The following CDH18 variants were observed in gnomAD, a reference collection of about 807,000 sequenced individuals.
The protein encoded by CDH18 is cadherin 18, also known as cadherin-18.
A neutral mutation model predicts 67.9 loss-of-function variants in CDH18; 31 were observed. That is an observed-to-expected ratio of 0.46 (90% CI 0.34 to 0.62). CDH18 has a LOEUF of 0.62. Ranked by LOEUF, CDH18 falls within the 20% of genes least tolerant of loss-of-function variation. The probability of loss-of-function intolerance (pLI) is 0.01; values close to 1 mark genes in which losing one functional copy is unlikely to be tolerated. For synonymous variants in CDH18, 362 were observed against 347.2 expected, an observed-to-expected ratio of 1.04 and a Z score of -0.48; for missense variants, 890 against 975.5, an observed-to-expected ratio of 0.91 and a Z score of 1.17.
intron 3 of CDH18, among the ~76,000 whole-genome samples, chr5:19,790,267 A>G (rs567828647): frequency 3.9e-5 from 6 of 152,270 alleles, no homozygotes; most frequent in African/African-American, 1.4e-4. Flanking sequence ...ATCACAAACA[A>G]TGGAGACAAG....
intron 2 of CDH18, among the ~76,000 whole-genome samples, chr5:20,159,693 T>C (rs1186996684): frequency 6.6e-6 from 1 of 152,154 alleles, no homozygotes; most frequent in Non-Finnish European, 1.5e-5. Context: ...TATTTCTACC[T>C]AAAGAGACTG....
chr5:19,765,897 T>G (rs554947679), intron 3 of CDH18, among the ~76,000 whole-genome samples: 2 of 152,218 alleles, frequency 1.3e-5, no homozygotes, highest in South Asian at 2.1e-4. Context: ...TTTTTTCTTT[T>G]GAGACAGAGT....
chr5:20,445,545 C>T (rs1749938192), intron 1 of CDH18, among the ~76,000 whole-genome samples: 1 of 152,198 alleles, frequency 6.6e-6, no homozygotes, highest in African/African-American at 2.4e-5. Flanking sequence ...TTAAACTCAA[C>T]TCTGAATACA....
chr5:20,436,815 C>CAA (rs34874505), intron 1 of CDH18, among the ~76,000 whole-genome samples: 34 of 141,022 alleles, frequency 2.4e-4, no homozygotes, highest in East Asian at 1.0e-3. Context: ...ACTAAAAAAC[C>CAA]AAAAAAAAAA....
intron 2 of CDH18, among the ~76,000 whole-genome samples, chr5:19,847,048 T>C (rs116642224): frequency 9.5e-4 from 145 of 152,244 alleles, no homozygotes; most frequent in East Asian, 4.4e-3. Context: ...TTTTCTTTTG[T>C]TTCTTTCCAA....
At chr5:20,156,480 A>G (rs868789506) in intron 2 of CDH18, among the ~76,000 whole-genome samples, 31 of 152,298 alleles carry the variant, frequency 2.0e-4, no homozygotes, top group African/African-American at 7.0e-4. Context: ...ACTCAGAAAC[A>G]GTCAAATACC....
At chr5:20,295,078 T>C (rs955160286) in intron 1 of CDH18, among the ~76,000 whole-genome samples, 3 of 152,210 alleles carry the variant, frequency 2.0e-5, no homozygotes, top group African/African-American at 7.2e-5. Flanking sequence ...AATTAAAGTT[T>C]CCACAGGGCT....
intron 2 of CDH18, among the ~76,000 whole-genome samples, chr5:20,025,113 G>C (rs1025668181): frequency 1.3e-5 from 2 of 152,106 alleles, no homozygotes; most frequent in Non-Finnish European, 2.9e-5. Flanking sequence ...TCAGTTATCT[G>C]ACAAGATTTA....
In CDH18 at chr5:20,009,186, A is replaced by C. The variant is rs150387212; in HGVS notation, c.-517-17172T>G. 6.7e-3 allele frequency among the ~76,000 whole-genome samples: 1,016 copies of C among 152,202 alleles called. 11 individuals carry two copies. Among genetic ancestry groups the C allele is most frequent in the South Asian group, 0.031 (149 of 4,830 alleles). ...CACTTCAGTATACCTCCCCCCAAGG[A>C]AAGCCGATGGGAGAAAATGATTCTA... is the stretch of plus-strand genomic sequence containing the variant. On this transcript the variant is annotated intron_variant, in intron 2 of 14. Transcript: ENST00000507958.
At chr5:20,087,859 G>A (rs1422577361) in intron 2 of CDH18, among the ~76,000 whole-genome samples, 1 of 152,044 alleles carries the variant, frequency 6.6e-6, no homozygotes, top group African/African-American at 2.4e-5. Flanking sequence ...AGATATGTCT[G>A]TAACTTAGAA....
chr5:20,266,685 C>A (rs1452743624), intron 1 of CDH18, among the ~76,000 whole-genome samples: 1 of 149,946 alleles, frequency 6.7e-6, no homozygotes, highest in Non-Finnish European at 1.5e-5. Context: ...AACTCGGCCT[C>A]CTAGCGTGCT....
At chr5:20,231,464 G>C (rs939998702) in intron 2 of CDH18, among the ~76,000 whole-genome samples, 1 of 151,842 alleles carries the variant, frequency 6.6e-6, no homozygotes, top group South Asian at 2.1e-4. Context: ...AGCAGGGTGG[G>C]GTGGCGCTCC....
chr5:20,000,367 G>A (rs1442854368), intron 2 of CDH18, among the ~76,000 whole-genome samples: 2 of 152,092 alleles, frequency 1.3e-5, no homozygotes, highest in African/African-American at 4.8e-5. Flanking sequence ...ATAAAAAAGG[G>A]AAAAGTAAAC....
chr5:20,172,918 A>G (rs1408936980), intron 2 of CDH18, among the ~76,000 whole-genome samples: 7 of 151,662 alleles, frequency 4.6e-5, no homozygotes, highest in African/African-American at 1.5e-4. Context: ...TGAACCCGAG[A>G]GGCGGAGGTT....
At chr5:19,781,074 T>C (rs1347077415) in intron 3 of CDH18, among the ~76,000 whole-genome samples, 1 of 152,246 alleles carries the variant, frequency 6.6e-6, no homozygotes, top group East Asian at 1.9e-4. Flanking sequence ...CCAGATTTAT[T>C]TCCATAACCA....
intron 4 of CDH18, among the ~76,000 whole-genome samples, chr5:19,725,709 C>A (rs1057126543): frequency 6.6e-6 from 1 of 152,120 alleles, no homozygotes; most frequent in Non-Finnish European, 1.5e-5. Flanking sequence ...GCAGAGATTG[C>A]GGTGAGCTGA....
intron 5 of CDH18, among the ~76,000 whole-genome samples, chr5:19,628,519 AT>A (rs1751902617): frequency 6.6e-6 from 1 of 152,072 alleles, no homozygotes; most frequent in Non-Finnish European, 1.5e-5. Context: ...TCCTGGATAT[AT>A]GTTGACGGTA....
chr5:20,562,391 A>G (rs1158503079), intron 1 of CDH18, among the ~76,000 whole-genome samples: 1 of 151,794 alleles, frequency 6.6e-6, no homozygotes, highest in African/African-American at 2.4e-5. Context: ...AAAACATTTC[A>G]AGGCAACCTT....
chr5:20,203,071 G>A lies in CDH18; in HGVS notation c.-518+52373C>T, dbSNP rs57088148. On this transcript the variant is annotated intron_variant, in intron 2 of 14. Coordinates refer to the CDH18 transcript ENST00000507958. ...GAGAGTAAGAGAATTGGACTTCTAT[G>A]TCTTTGATGGTGCTCTCCCCAATCC... Among the ~76,000 whole-genome samples the A allele has an allele frequency of 1.6e-3, 248 of 152,146 alleles. 2 individuals carry two copies. Among genetic ancestry groups the A allele is most frequent in the African/African-American group, 5.8e-3 (240 of 41,520 alleles).
Sources: allele counts gnomAD v4.1 joint callset (sites outside exome capture counted in the v4.1 genomes callset), GRCh38; gene constraint gnomAD v4.1.1; transcripts MANE v1.5; gene names NCBI Gene and HGNC (gene_info 2026-07-23, HGNC 2026-07-21).